The following VSX1 variants were observed in gnomAD, a reference collection of about 807,000 sequenced individuals.
VSX1 encodes visual system homeobox 1.
A neutral mutation model predicts 23.6 loss-of-function variants in VSX1; 23 were observed. The ratio of observed to expected loss-of-function variants is 0.97; its 90% CI spans 0.70 to 1.38. The LOEUF (loss-of-function observed/expected upper bound fraction) is 1.38, where lower values mean the gene tolerates loss of function less well. Ranked by LOEUF, VSX1 falls within the 40% of genes most tolerant of loss-of-function variation. The pLI is 0.00. For synonymous variants in VSX1, 247 were observed against 215.1 expected (o/e 1.15, Z -1.30); for missense variants, 517 against 495.4 (o/e 1.04, Z -0.41).
At chr20:25,081,150 T>C (rs543443994) in intron 1 of VSX1, among the ~76,000 whole-genome samples, 1 of 152,196 alleles carries the variant, frequency 6.6e-6, no homozygotes, top group Admixed American at 6.5e-5. Flanking sequence ...AGGAGCGCGG[T>C]ACCCGGGACT....
downstream of VSX1, among the ~76,000 whole-genome samples, chr20:25,074,101 G>A (rs2089438217): frequency 6.6e-6 from 1 of 152,144 alleles, no homozygotes. Flanking sequence ...TAATAGAAAT[G>A]CCAATAATTA....
chr20:25,078,903 C>A lies in VSX1; in HGVS notation c.553G>T (p.Glu185Ter). The A allele has an allele frequency of 6.2e-7, 1 of 1,614,162 alleles. No individual in the cohort carries two copies. Among genetic ancestry groups the A allele is most frequent in the East Asian group, 2.2e-5 (1 of 44,878 alleles). ...GCATACACATCAGGGTAGTGGGCCT[C>A]GCTGAATGCCTTCTCCAACTCTTCC... ...QLEELEKAFS[E>*]AHYPDVYARE... Residue 185 changes from glutamate (E) to a stop codon, truncating the protein, a stop_gained, in exon 3 of 5, where the codon GAG becomes TAG. Coordinates refer to ENST00000376709, the MANE Select transcript of VSX1 (RefSeq NM_014588.6). LOFTEE classifies it high-confidence loss of function.
rs765227177 is a variant in VSX1, at chr20:25,077,870, T to C, written c.628-5A>G. On this transcript the variant is annotated splice_polypyrimidine_tract_variant and splice_region_variant and intron_variant, in intron 3 of 4. Transcript: ENST00000376709. ...CCTGCGGTTTTGAAACCAGACCTGG[T>C]TGGAGGCAGGAGAAGCAGAAGGCAC... 6 of 1,551,518 alleles carry C rather than the reference T, an allele frequency of 3.9e-6. No homozygotes were observed. The East Asian group carries it at 9.7e-5, about 25-fold the overall frequency.
intron 2 of VSX1, 78 bp from the exon 3 acceptor site, chr20:25,079,030 G>T: frequency 6.3e-7 from 1 of 1,575,130 alleles, no homozygotes; most frequent in Non-Finnish European, 8.7e-7. Context: ...GGACCACCGT[G>T]CCTGCTTCCT....
chr20:25,079,827 T>C (rs73331235), intron 1 of VSX1, among the ~76,000 whole-genome samples: 5,334 of 152,124 alleles, frequency 0.035, 289 homozygotes, highest in African/African-American at 0.12. Flanking sequence ...AGGTAGTAAA[T>C]GGTGAAGTTG....
intron 3 of VSX1, 153 bp downstream of exon 3, chr20:25,078,676 A>C (rs2089564674): frequency 3.1e-6 from 5 of 1,599,850 alleles, no homozygotes; most frequent in Non-Finnish European, 3.4e-6. Context: ...CATAGGGGCA[A>C]GCTCTTGTGG....
rs1000724307 is a variant in VSX1 at position 25,078,841 on chromosome 20, T to C, written c.615A>G (p.Glu205=). 3 of 1,614,166 alleles carry C rather than the reference T, an allele frequency of 1.9e-6. No homozygotes were observed. Among genetic ancestry groups the C allele is most frequent in the Admixed American group, 3.3e-5 (2 of 60,016 alleles). The change falls in exon 3 of 5, where the codon GAA becomes GAG. Residue 205 remains glutamate (E), a synonymous_variant. Coordinates refer to ENST00000376709, the MANE Select transcript of VSX1 (RefSeq NM_014588.6). ...EMLAVKTELP[E]DRIQVWFQNR... ...GGACCCCAGACACCTGTATCCGGTC[T>C]TCGGGGAGCTCAGTTTTCACAGCCA...
intron 1 of VSX1, among the ~76,000 whole-genome samples, chr20:25,081,158 A>T (rs1404320259): frequency 6.6e-6 from 1 of 151,822 alleles, no homozygotes; most frequent in Non-Finnish European, 1.5e-5. Flanking sequence ...GGTACCCGGG[A>T]CTCCCTTTTC....
rs1412465478 is a variant in VSX1 at position 25,082,045 on chromosome 20, C to T, written c.52G>A (p.Val18Met). The T allele has an allele frequency of 6.5e-7, 1 of 1,538,310 alleles. No individual in the cohort carries two copies. The highest frequency in any genetic ancestry group is 2.4e-5 in the East Asian group (1 of 41,506). ...GAGCCCCTAGGGGAACCGCCAGGCA[C>T]CAGCGCCCTGCTGCTAGTGCGCCCG... Reference protein sequence around the residue: ...SDGRTSSRALVPGGSPRGSRP... With the variant: ...SDGRTSSRALMPGGSPRGSRP... Residue 18 changes from valine to methionine, a missense_variant, in exon 1 of 5, where the codon GTG becomes ATG. Coordinates refer to ENST00000376709, the MANE Select transcript of VSX1 (RefSeq NM_014588.6).
chr20:25,082,118 C>A lies in VSX1; in HGVS notation c.-22G>T, dbSNP rs759605846. On this transcript the variant is annotated 5_prime_UTR_variant, in exon 1 of 5. Coordinates refer to ENST00000376709, the MANE Select transcript of VSX1 (RefSeq NM_014588.6). ...TCATGGTTCCTTAGCAAGCAAGGCG[C>A]GAGCCTCTCTGGATCCCGTTTGCGG... The A allele has an allele frequency of 2.6e-6, 4 of 1,534,652 alleles. No homozygotes were observed. Among genetic ancestry groups the A allele is most frequent in the East Asian group, 4.9e-5 (2 of 40,956 alleles).
intron 3 of VSX1, chr20:25,078,498 C>T: frequency 7.8e-7 from 1 of 1,280,624 alleles, no homozygotes; most frequent in Non-Finnish European, 9.9e-7. Context: ...AAGGTCTCCT[C>T]AGGCATTTGT....
At chr20:25,079,555 A>T in intron 1 of VSX1, 41 bp from the exon 2 acceptor site, 1 of 1,564,520 alleles carries the variant, frequency 6.4e-7, no homozygotes, top group Non-Finnish European at 8.7e-7. Flanking sequence ...AAGGGTGATC[A>T]TATCCCCTCT....
chr20:25,071,338 T>A (rs2089373198), downstream of VSX1: 1 of 453,910 alleles, frequency 2.2e-6, no homozygotes. Context: ...GCTGGGGCAG[T>A]GGCTCACGCT....
In VSX1 at chr20:25,076,174, T is replaced by C; in HGVS notation, c.*87A>G. Reference sequence around the variant, plus strand: ...TGTCAGAAGAAAATCAAACTGAGAGTATATGTCTTGGACAATTTTTGTCTT... The same window carrying C: ...TGTCAGAAGAAAATCAAACTGAGAGCATATGTCTTGGACAATTTTTGTCTT... On this transcript the variant is annotated 3_prime_UTR_variant, in exon 5 of 5. Transcript: ENST00000376709. 6.4e-7 allele frequency: 1 copy of C among 1,574,010 alleles called. No homozygotes were observed. The highest frequency in any genetic ancestry group is 8.7e-7 in the Non-Finnish European group (1 of 1,146,870).
At chr20:25,081,323 C>A (rs1054211075) in intron 1 of VSX1, 14 of 536,348 alleles carry the variant, frequency 2.6e-5, no homozygotes, top group Non-Finnish European at 5.0e-5. Context: ...ACCCACGCAG[C>A]TGCCAGAGGC....
Position 25,081,546 on chromosome 20 carries a change from G to A in VSX1, c.424+127C>T, listed in dbSNP as rs965898476. ...AATGCCCCTCCCGCGACGGGGCCTC[G>A]CTCTGGGCTCCCCGCCTAGATCTGG... On this transcript the variant is annotated intron_variant, in intron 1 of 4. Coordinates refer to ENST00000376709, the MANE Select transcript of VSX1 (RefSeq NM_014588.6). 8 of 1,425,804 alleles carry A rather than the reference G, an allele frequency of 5.6e-6. No homozygotes were observed. The African/African-American group carries it at 9.8e-5, about 17-fold the overall frequency. 88.3% of individuals were successfully genotyped at this position (1,425,804 alleles called of 1,614,324 possible).
chr20:25,079,248 G>A (rs1409950849), intron 2 of VSX1, among the ~76,000 whole-genome samples, 188 bp downstream of exon 2: 1 of 152,184 alleles, frequency 6.6e-6, no homozygotes, highest in African/African-American at 2.4e-5. Context: ...CAAGATTGTA[G>A]CATTTTCCCA....
intron 1 of VSX1, 59 bp downstream of exon 1, chr20:25,081,614 C>A: frequency 6.5e-7 from 1 of 1,543,606 alleles, no homozygotes; most frequent in South Asian, 1.2e-5. Context: ...GTCTGTGACC[C>A]CTGCGCGGCT....
chr20:25,073,026 T>C (rs1371841697), downstream of VSX1, among the ~76,000 whole-genome samples: 2 of 152,198 alleles, frequency 1.3e-5, no homozygotes, highest in African/African-American at 4.8e-5. Flanking sequence ...TCTGACGTGC[T>C]GGGGGATTTG....
Sources: gnomAD v4.1 joint callset for allele counts (sites outside exome capture counted in the v4.1 genomes callset) on GRCh38, gnomAD v4.1.1 for gene constraint, MANE v1.5 for transcripts, NCBI Gene and HGNC (gene_info 2026-07-23, HGNC 2026-07-21) for gene names.